TPI1: variants seen among roughly 807,000 people sequenced by gnomAD.
The protein encoded by TPI1 is triosephosphate isomerase 1.
In TPI1, 11 loss-of-function variants were observed where a neutral mutation model predicts 31.0. The ratio of observed to expected loss-of-function variants is 0.36; its 90% confidence interval spans 0.22 to 0.59. The LOEUF (loss-of-function observed/expected upper bound fraction) is 0.59, where lower values mean the gene tolerates loss of function less well. TPI1 is among the 20% of genes least tolerant of loss of function. The pLI is 0.79. For synonymous variants in TPI1, 121 were observed against 122.8 expected (o/e 0.99, Z 0.10); for missense variants, 245 against 319.7 (o/e 0.77, Z 1.78).
At chr12:6,869,515 T>A in intron 4 of TPI1, 125 bp downstream of exon 4, 1 of 1,525,030 alleles carries the variant, frequency 6.6e-7, no homozygotes, top group Non-Finnish European at 9.0e-7. Context: ...GGAGGGGGAG[T>A]GACAATCTTT....
chr12:6,869,428 G>A (rs202136630), intron 4 of TPI1, 38 bp downstream of exon 4: 47 of 1,613,500 alleles, frequency 2.9e-5, no homozygotes, highest in Non-Finnish European at 3.9e-5. Flanking sequence ...CCTATCCAGG[G>A]CCACAGAGAC....
At chr12:6,869,034 C>A (rs1374492988) in intron 2 of TPI1, 47 bp downstream of exon 2, 1 of 1,614,060 alleles carries the variant, frequency 6.2e-7, no homozygotes, top group Non-Finnish European at 8.5e-7. Flanking sequence ...CCCTCACTTT[C>A]CTCGTTGAGG....
rs1555132584 is a variant in TPI1, at chr12:6,870,291, G to A, written c.658G>A (p.Glu220Lys). 1 of 1,614,150 alleles carries A rather than the reference G, an allele frequency of 6.2e-7. No individual in the cohort carries two copies. Among genetic ancestry groups the A allele is most frequent in the South Asian group, 1.1e-5 (1 of 91,076 alleles). Reference protein sequence around the residue: ...GGSVTGATCKELASQPDVDGF... With the variant: ...GGSVTGATCKKLASQPDVDGF... The stretch of plus-strand genomic sequence containing the variant: ...CTCTGTGACTGGGGCAACCTGCAAG[G>A]AGCTGGCCAGCCAGCCTGATGTGGA... Residue 220 changes from glutamate (E) to lysine (K), a missense_variant, in exon 7 of 7, where the codon GAG (glutamate) becomes AAG (lysine). By Grantham distance (56) the Glu-to-Lys change is moderately conservative. Coordinates refer to ENST00000396705, the MANE Select transcript of TPI1 (RefSeq NM_000365.6).
At position 6,870,716 on chromosome 12, in the gene TPI1, C is replaced by A; in HGVS notation, c.*333C>A. ...AGAAACCATCCTCTCCCTTCTTACA[C>A]CGTGAGGCCAAGATCCCCTCAGAAG... On this transcript the variant is annotated 3_prime_UTR_variant, in exon 7 of 7. Transcript: ENST00000396705. The A allele has an allele frequency of 1.8e-6, 1 of 562,694 alleles. No individual in the cohort carries two copies. Among genetic ancestry groups the A allele is most frequent in the Non-Finnish European group, 3.4e-6 (1 of 290,962 alleles). The allele number at this position is 562,694 out of a possible 1,614,324, so 34.9% of individuals were successfully genotyped here. A position where few individuals can be genotyped will look rare whatever the true frequency, so the allele number is the denominator to read the frequency against.
At chr12:6,869,466 C>T in intron 4 of TPI1, 76 bp downstream of exon 4, 3 of 1,604,562 alleles carry the variant, frequency 1.9e-6, no homozygotes, top group Non-Finnish European at 2.6e-6. Context: ...GCCCTGGAGC[C>T]TGTCTTGGTC....
intron 1 of TPI1, 48 bp downstream of exon 1, chr12:6,867,729 G>A (rs782582302): frequency 2.6e-5 from 39 of 1,528,786 alleles, no homozygotes; most frequent in Non-Finnish European, 3.3e-5. Flanking sequence ...GCCGGGGCCG[G>A]GGCAGGAGTG....
rs121964847 is a variant in TPI1, at chr12:6,870,354, T to C, written c.721T>C (p.Phe241Leu). The change falls in exon 7 of 7, where the codon TTC (phenylalanine) becomes CTC (leucine). Residue 241 changes from phenylalanine (F) to leucine (L), a missense_variant. Phe to Leu is a conservative substitution (Grantham distance 22, BLOSUM62 0). Around this residue, in one of 3 missense-constraint regions of TPI1, gnomAD observed 127 missense variants for 163.7 expected, o/e 0.78. Transcript: ENST00000396705. Reference protein sequence around the residue: ...LVGGASLKPEFVDIINAKQ With the variant: ...LVGGASLKPELVDIINAKQ ...GGGTGGTGCTTCCCTCAAGCCCGAATTCGTGGACATCATCAATGCCAAACA... is the reference window on the plus strand; with the variant it reads ...GGGTGGTGCTTCCCTCAAGCCCGAACTCGTGGACATCATCAATGCCAAACA... 1.2e-6 allele frequency: 2 copies of C among 1,613,980 alleles called. No individual in the cohort carries two copies. The highest frequency in any genetic ancestry group is 1.7e-6 in the Non-Finnish European group (2 of 1,179,954).
chr12:6,869,054 C>T (rs1555132108), intron 2 of TPI1, 45 bp from the exon 3 acceptor site: 4 of 1,614,132 alleles, frequency 2.5e-6, no homozygotes, highest in Non-Finnish European at 3.4e-6. Flanking sequence ...GGGAAAGCCA[C>T]AGGGTGGGCT....
intron 1 of TPI1, chr12:6,868,472 T>C: frequency 7.8e-7 from 1 of 1,286,144 alleles, no homozygotes; most frequent in Non-Finnish European, 1.0e-6. Flanking sequence ...AGTTGGCCCC[T>C]CTCCTTTTGC....
In TPI1 at chr12:6,870,441, C is replaced by T; in HGVS notation, c.*58C>T. The T allele has an allele frequency of 1.6e-6, 2 of 1,287,630 alleles. No individual in the cohort carries two copies. The highest frequency in any genetic ancestry group is 2.3e-6 in the Non-Finnish European group (2 of 883,490). The allele number at this position is 1,287,630 out of a possible 1,614,324, so 79.8% of individuals were successfully genotyped here. ...GCCAGGGACTAAGCAGCCCAGAAGC[C>T]CAGTAACTGCCCTTTCCCTGCATAT... On this transcript the variant is annotated 3_prime_UTR_variant, in exon 7 of 7. Coordinates refer to ENST00000396705, the MANE Select transcript of TPI1 (RefSeq NM_000365.6).
chr12:6,868,639 G>T, intron 1 of TPI1: 1 of 1,348,058 alleles, frequency 7.4e-7, no homozygotes, highest in South Asian at 1.4e-5. Context: ...AGGGCAGGGT[G>T]AGGGCCGTGG....
Position 6,869,323 on chromosome 12 carries a change from G to A in TPI1, c.390G>A (p.Glu130=). 1 of 1,614,124 alleles carries A rather than the reference G, an allele frequency of 6.2e-7. No individual in the cohort carries two copies. The change falls in exon 4 of 7, where the codon GAG becomes GAA. Residue 130 remains glutamate (E), a synonymous_variant. Transcript: ENST00000396705. ...TCGGAGTAATCGCCTGCATTGGGGA[G>A]AAGCTAGATGAAAGGGAAGCTGGCA... The part of the protein sequence containing the change: ...EGLGVIACIG[E]KLDEREAGIT...
Position 6,869,970 on chromosome 12 carries a change from C to CT in TPI1, c.544-78dup, listed in dbSNP as rs1944550565. ...TACTCTGACTCAGTCAGAAACCACA[C>CT]TAAGTGTCCACTGGTGCCAGTGATT... On this transcript the variant is annotated intron_variant, in intron 5 of 6. Coordinates refer to ENST00000396705, the MANE Select transcript of TPI1 (RefSeq NM_000365.6). 3 of 1,526,698 alleles carry CT rather than the reference C, an allele frequency of 2.0e-6. No individual in the cohort carries two copies. In the African/African-American group the frequency reaches 4.1e-5, roughly 21 times the overall value. 94.6% of individuals were successfully genotyped at this position (1,526,698 alleles called of 1,614,324 possible).
chr12:6,870,624 T>G lies in TPI1; in HGVS notation c.*241T>G, dbSNP rs781989165. ...AAACGTCACCAAGGTGGCTTCTCCTTGGCTGAGAGATGGAAGGCGTGGTGG... is the reference window on the plus strand; with the variant it reads ...AAACGTCACCAAGGTGGCTTCTCCTGGGCTGAGAGATGGAAGGCGTGGTGG... On this transcript the variant is annotated 3_prime_UTR_variant, in exon 7 of 7. Transcript: ENST00000396705. The G allele has an allele frequency of 1.5e-6, 1 of 680,238 alleles. No homozygotes were observed. The highest frequency in any genetic ancestry group is 2.7e-6 in the Non-Finnish European group (1 of 363,906). The allele number at this position is 680,238 out of a possible 1,614,324, so 42.1% of individuals were successfully genotyped here.
intron 1 of TPI1, chr12:6,868,338 C>G: frequency 1.6e-6 from 2 of 1,287,802 alleles, no homozygotes; most frequent in Non-Finnish European, 2.0e-6. Context: ...CTGCCACCCA[C>G]GGGCAAAGGA....
intron 1 of TPI1, chr12:6,868,651 C>T: frequency 1.5e-6 from 2 of 1,330,880 alleles, no homozygotes; most frequent in Non-Finnish European, 2.0e-6. Flanking sequence ...GGGCCGTGGC[C>T]TCTCAGGGGT....
At position 6,869,357 on chromosome 12, in the gene TPI1, A is replaced by G. The variant is rs1369454707; in HGVS notation, c.424A>G (p.Lys142Glu). The change falls in exon 4 of 7, where the codon AAG becomes GAG. Residue 142 changes from lysine to glutamate, a missense_variant. This residue lies in a region of TPI1 where 127 missense variants were observed against 163.7 expected (regional missense o/e 0.78). Coordinates refer to ENST00000396705, the MANE Select transcript of TPI1 (RefSeq NM_000365.6). ...TGAAAGGGAAGCTGGCATCACTGAG[A>G]AGGTTGTTTTCGAGCAGACAAAGGT... ...LDEREAGITE[K>E]VVFEQTKVIA... The G allele has an allele frequency of 3.3e-5, 53 of 1,613,944 alleles. No individual in the cohort carries two copies. In the Admixed American group the frequency reaches 8.7e-4, roughly 26 times the overall value.
chr12:6,870,766 G>T lies in TPI1; in HGVS notation c.*383G>T. ...GGCAGGAGTGCTGCCCTCTCCCATG[G>T]TGCCCGTGCCTCTGTGCTGTGTATG... is the stretch of plus-strand genomic sequence containing the variant. On this transcript the variant is annotated 3_prime_UTR_variant, in exon 7 of 7. Coordinates refer to ENST00000396705, the MANE Select transcript of TPI1 (RefSeq NM_000365.6). The T allele has an allele frequency of 1.9e-6, 1 of 515,946 alleles. No individual in the cohort carries two copies. The highest frequency in any genetic ancestry group is 3.8e-6 in the Non-Finnish European group (1 of 266,454). 32.0% of individuals were successfully genotyped at this position (515,946 alleles called of 1,614,324 possible).
At chr12:6,869,615 C>G (rs1462387027) in intron 4 of TPI1, 73 bp from the exon 5 acceptor site, 1 of 1,571,722 alleles carries the variant, frequency 6.4e-7, no homozygotes, top group Middle Eastern at 2.0e-4. Context: ...CACCGTTCTT[C>G]GTACTCCGGA....
Sources: gnomAD v4.1 joint callset for allele counts on GRCh38, gnomAD v4.1.1 for gene constraint, gnomAD v4.1.1 regional missense constraint, MANE v1.5 for transcripts, NCBI Gene and HGNC (gene_info 2026-07-23, HGNC 2026-07-21) for gene names.